FBXL13: variants seen among roughly 807,000 people sequenced by gnomAD.
FBXL13 encodes F-box and leucine-rich repeat protein 13.
Under a neutral mutation model 83.6 loss-of-function variants are expected in FBXL13, and 67 were observed. The observed-to-expected ratio is 0.80, with a 90% CI of 0.66 to 0.98. The LOEUF (loss-of-function observed/expected upper bound fraction) is 0.98. FBXL13 is among the 50% of genes least tolerant of loss of function. The pLI is 0.00. For synonymous variants in FBXL13, 272 were observed against 299.5 expected (o/e 0.91, Z 0.95); for missense variants, 822 against 866.5 (o/e 0.95, Z 0.64).
At chr7:102,813,755 A>C (rs1797619066) in intron 19 of FBXL13, among the ~76,000 whole-genome samples, 1 of 152,190 alleles carries the variant, frequency 6.6e-6, no homozygotes. Context: ...TAACAGATAC[A>C]GTGAATGGGT....
At chr7:102,909,135 T>C (rs1419258223) in intron 11 of FBXL13, among the ~76,000 whole-genome samples, 3 of 152,192 alleles carry the variant, frequency 2.0e-5, no homozygotes, top group Non-Finnish European at 4.4e-5. Flanking sequence ...CCCACTCTTC[T>C]GCCCCTTTCC....
At chr7:102,943,811 CTG>C (rs1821934394) in intron 8 of FBXL13, among the ~76,000 whole-genome samples, 1 of 152,186 alleles carries the variant, frequency 6.6e-6, no homozygotes, top group African/African-American at 2.4e-5. Context: ...GAGTGACCAT[CTG>C]TGTTAGCTTA....
intron 18 of FBXL13, chr7:102,827,245 T>A (rs999369549): frequency 5.1e-5 from 21 of 415,478 alleles, no homozygotes; most frequent in African/African-American, 3.6e-4. Context: ...GAGGAAGCTG[T>A]CCCAGCTGGG....
intron 17 of FBXL13, among the ~76,000 whole-genome samples, chr7:102,838,592 T>G (rs1802400591): frequency 6.6e-6 from 1 of 152,156 alleles, no homozygotes; most frequent in Non-Finnish European, 1.5e-5. Context: ...ACCTGTACCC[T>G]GAACAATTGC....
intron 8 of FBXL13, chr7:102,944,213 C>T (rs1349134552): frequency 6.3e-7 from 1 of 1,599,770 alleles, no homozygotes; most frequent in Admixed American, 1.7e-5. Context: ...TTTCCAGCCG[C>T]TTTTTTAGGG....
intron 2 of FBXL13, among the ~76,000 whole-genome samples, chr7:103,038,989 T>G (rs202032977): frequency 6.6e-6 from 1 of 152,170 alleles, no homozygotes; most frequent in Admixed American, 6.5e-5. Context: ...TTGACAGAAG[T>G]AGGCTTCAGA....
At chr7:102,812,361 T>G (rs985321441), downstream of FBXL13, among the ~76,000 whole-genome samples, 3 of 152,240 alleles carry the variant, frequency 2.0e-5, no homozygotes, top group African/African-American at 7.2e-5. Flanking sequence ...TAGCATAGTT[T>G]AAGAATTCCT....
intron 1 of FBXL13, among the ~76,000 whole-genome samples, chr7:103,062,879 T>C (rs1468326297): frequency 6.6e-6 from 1 of 152,220 alleles, no homozygotes; most frequent in African/African-American, 2.4e-5. Context: ...GTTGAAGCCA[T>C]TGAGGTGTTT....
At chr7:102,937,857 A>T (rs1820630620) in intron 8 of FBXL13, among the ~76,000 whole-genome samples, 1 of 152,196 alleles carries the variant, frequency 6.6e-6, no homozygotes, top group African/African-American at 2.4e-5. Flanking sequence ...CAAGTATACC[A>T]CATATACATG....
rs561496473 is a variant in FBXL13 at position 103,022,219 on chromosome 7, T to C, written c.495+2844A>G. Among the ~76,000 whole-genome samples, 4 of 151,284 alleles carry C rather than the reference T, an allele frequency of 2.6e-5. No homozygotes were observed. The East Asian group carries it at 5.8e-4, about 22-fold the overall frequency. ...GCTGGAAACCATCATTCTCAGCAAA[T>C]TATCACAAGGACAGAAAACCAAACA... On this transcript the variant is annotated intron_variant, in intron 6 of 19. Transcript: ENST00000313221.
At chr7:103,006,207 TG>T (rs924643478) in intron 6 of FBXL13, among the ~76,000 whole-genome samples, 4 of 152,292 alleles carry the variant, frequency 2.6e-5, no homozygotes, top group African/African-American at 9.6e-5. Context: ...TCAAGTTTGT[TG>T]AGGCTGCTGG....
chr7:102,854,918 G>T, intron 16 of FBXL13, 58 bp from the exon 18 acceptor site: 1 of 960,978 alleles, frequency 1.0e-6, no homozygotes, highest in Non-Finnish European at 1.6e-6. Flanking sequence ...GGAATATATA[G>T]TTCCAATAAC....
At chr7:102,904,296 C>T (rs1169796774) in intron 11 of FBXL13, among the ~76,000 whole-genome samples, 17 of 152,038 alleles carry the variant, frequency 1.1e-4, no homozygotes, top group Admixed American at 1.0e-3. Flanking sequence ...CTGATCATAG[C>T]AGCCACTAAT....
chr7:102,917,556 A>C (rs12113586), intron 10 of FBXL13, among the ~76,000 whole-genome samples: 4,402 of 152,288 alleles, frequency 0.029, 72 homozygotes, highest in Non-Finnish European at 0.042. Flanking sequence ...AGCCATGAGA[A>C]GGAGAAAGGC....
At chr7:102,928,415 T>C (rs544553412) in intron 9 of FBXL13, among the ~76,000 whole-genome samples, 1 of 152,328 alleles carries the variant, frequency 6.6e-6, no homozygotes, top group South Asian at 2.1e-4. Flanking sequence ...AGCTTAGAAA[T>C]CAAAGCTCTT....
At chr7:102,822,261 G>A in intron 18 of FBXL13, 58 bp from the exon 20 acceptor site, 2 of 1,537,438 alleles carry the variant, frequency 1.3e-6, no homozygotes, top group Non-Finnish European at 1.8e-6. Context: ...GGGAAGAACA[G>A]TGCCTTAGTC....
chr7:103,032,569 A>G (rs79420601), intron 2 of FBXL13, among the ~76,000 whole-genome samples: 4 of 152,192 alleles, frequency 2.6e-5, no homozygotes, highest in Admixed American at 2.6e-4. Context: ...ATATATTTGC[A>G]TTGCAAACTC....
intron 6 of FBXL13, among the ~76,000 whole-genome samples, chr7:103,006,006 A>G (rs933840507): frequency 1.3e-5 from 2 of 152,232 alleles, no homozygotes; most frequent in African/African-American, 4.8e-5. Context: ...AAAAATGGAA[A>G]AAATATATGA....
intron 16 of FBXL13, among the ~76,000 whole-genome samples, chr7:102,860,745 A>G (rs1009339700): frequency 6.6e-6 from 1 of 152,118 alleles, no homozygotes; most frequent in Non-Finnish European, 1.5e-5. Context: ...GGCTTAGACT[A>G]TCACCAACAT....
Sources: gnomAD v4.1 joint callset for allele counts (sites outside exome capture counted in the v4.1 genomes callset) on GRCh38, gnomAD v4.1.1 for gene constraint, MANE v1.5 for transcripts, NCBI Gene and HGNC (gene_info 2026-07-23, HGNC 2026-07-21) for gene names.